The following SCMH1 variants were observed in gnomAD, a reference collection of about 807,000 sequenced individuals.
SCMH1 encodes polycomb protein SCMH1.
SCMH1 carries 37 observed loss-of-function variants against 70.8 expected under a neutral mutation model. The observed-to-expected ratio is 0.52, with a 90% CI of 0.40 to 0.69. The LOEUF (loss-of-function observed/expected upper bound fraction) is 0.69, where lower values mean the gene tolerates loss of function less well. SCMH1 is among the 30% of genes least tolerant of loss of function. The pLI, the probability that SCMH1 is intolerant of heterozygous loss-of-function variation, is 0.00. For missense variants in SCMH1, 607 were observed against 827.3 expected (o/e 0.73, Z 3.27); for synonymous variants, 292 against 307.4 (o/e 0.95, Z 0.52).
intron 2 of SCMH1, among the ~76,000 whole-genome samples, chr1:41,184,449 T>A (rs1028518237): frequency 2.0e-5 from 3 of 152,212 alleles, no homozygotes; most frequent in Non-Finnish European, 4.4e-5. Context: ...ATCCTGCTTA[T>A]GTTTAGATTC....
chr1:41,090,112 T>C (rs1013528169), intron 8 of SCMH1, among the ~76,000 whole-genome samples: 1 of 151,998 alleles, frequency 6.6e-6, no homozygotes, highest in Admixed American at 6.6e-5. Flanking sequence ...TTTTTGCTAG[T>C]GATTCTCAAA....
At chr1:41,200,511 AATAAT>A (rs1654097329) in intron 1 of SCMH1, among the ~76,000 whole-genome samples, 7 of 145,356 alleles carry the variant, frequency 4.8e-5, no homozygotes, top group Admixed American at 6.9e-5. Context: ...TAATAATAAT[AATAAT>A]ATAATAATAA....
intron 12 of SCMH1, among the ~76,000 whole-genome samples, chr1:41,040,882 A>C (rs1646053662): frequency 6.8e-6 from 1 of 147,392 alleles, no homozygotes; most frequent in East Asian, 2.0e-4. Flanking sequence ...AAAACAGAAA[A>C]CAAAAAACAA....
chr1:41,236,057 T>A (rs1662313916), intron 1 of SCMH1, among the ~76,000 whole-genome samples: 1 of 152,202 alleles, frequency 6.6e-6, no homozygotes, highest in Non-Finnish European at 1.5e-5. Context: ...TTTTTGAACA[T>A]CCCTTTATGC....
At chr1:41,145,507 C>G (rs972685829) in intron 5 of SCMH1, among the ~76,000 whole-genome samples, 2 of 152,162 alleles carry the variant, frequency 1.3e-5, no homozygotes, top group African/African-American at 2.4e-5. Context: ...AATCCTTCAG[C>G]TTTGTTCTCT....
chr1:41,120,320 G>A (rs1473822006), intron 6 of SCMH1, among the ~76,000 whole-genome samples: 7 of 152,094 alleles, frequency 4.6e-5, no homozygotes, highest in African/African-American at 1.7e-4. Flanking sequence ...TGCTTACCAT[G>A]TATTAAACAT....
intron 1 of SCMH1, among the ~76,000 whole-genome samples, chr1:41,237,309 G>C (rs1276960634): frequency 1.3e-5 from 2 of 152,132 alleles, no homozygotes; most frequent in Non-Finnish European, 1.5e-5. Context: ...AATCAAATAA[G>C]ATTACTGCAA....
At chr1:41,054,065 C>T (rs949051097) in intron 10 of SCMH1, among the ~76,000 whole-genome samples, 10 of 152,010 alleles carry the variant, frequency 6.6e-5, no homozygotes, top group African/African-American at 1.2e-4. Flanking sequence ...AGGATGGTCT[C>T]GATCTCCTGA....
chr1:41,156,100 C>T (rs549885478), intron 4 of SCMH1, among the ~76,000 whole-genome samples: 4 of 151,058 alleles, frequency 2.6e-5, no homozygotes, highest in African/African-American at 9.7e-5. Context: ...CTCAACAGTA[C>T]AAATGGACAG....
chr1:41,098,923 C>A, intron 8 of SCMH1: 1 of 253,550 alleles, frequency 3.9e-6, no homozygotes, highest in Non-Finnish European at 7.7e-6. Flanking sequence ...CCCTCCTGAC[C>A]ACTGGGTCAG....
At chr1:41,029,225 CT>C (rs201021085) in intron 13 of SCMH1, among the ~76,000 whole-genome samples, 2,966 of 152,234 alleles carry the variant, frequency 0.019, 82 homozygotes, top group African/African-American at 0.068. Flanking sequence ...TTTTTGGTTT[CT>C]TTGAGATGGA....
chr1:41,048,635 G>T, intron 11 of SCMH1, 55 bp downstream of exon 11: 1 of 1,510,176 alleles, frequency 6.6e-7, no homozygotes, highest in Non-Finnish European at 9.1e-7. Flanking sequence ...AAATCAACCA[G>T]TTGAGAAGGT....
intron 10 of SCMH1, among the ~76,000 whole-genome samples, chr1:41,061,626 T>C (rs1571652060): frequency 6.6e-6 from 1 of 152,180 alleles, no homozygotes; most frequent in African/African-American, 2.4e-5. Context: ...TCCACTATTA[T>C]AGTTGGAGAC....
At chr1:41,060,218 T>C (rs6669737) in intron 10 of SCMH1, among the ~76,000 whole-genome samples, 115,073 of 146,358 alleles carry the variant, frequency 0.79, 43,981 homozygotes, top group East Asian at 0.89. Flanking sequence ...CCAAAAACCC[T>C]GACATCTACA....
At chr1:41,228,109 A>G (rs967826927) in intron 1 of SCMH1, among the ~76,000 whole-genome samples, 2 of 152,220 alleles carry the variant, frequency 1.3e-5, no homozygotes, top group Non-Finnish European at 2.9e-5. Context: ...CAAGGACTGG[A>G]GGGAAGTTTT....
intron 10 of SCMH1, among the ~76,000 whole-genome samples, chr1:41,056,246 A>G (rs1459740379): frequency 6.6e-6 from 1 of 152,274 alleles, no homozygotes; most frequent in Non-Finnish European, 1.5e-5. Flanking sequence ...GCGAGAACCA[A>G]CAGGCAACAT....
At chr1:41,176,347 T>C (rs1178055612) in intron 2 of SCMH1, among the ~76,000 whole-genome samples, 2 of 152,204 alleles carry the variant, frequency 1.3e-5, no homozygotes, top group Non-Finnish European at 1.5e-5. Flanking sequence ...CGGTGATTTC[T>C]GCATTTCCAA....
intron 1 of SCMH1, among the ~76,000 whole-genome samples, chr1:41,211,776 T>A (rs1314740327): frequency 6.6e-6 from 1 of 152,158 alleles, no homozygotes; most frequent in African/African-American, 2.4e-5. Flanking sequence ...CAAATGTCCA[T>A]TAATGACAGA....
In SCMH1 at chr1:41,129,784, T is replaced by A. The variant is rs149960416; in HGVS notation, c.413-12774A>T. On this transcript the variant is annotated intron_variant, in intron 6 of 14. Coordinates refer to ENST00000337495, the Ensembl canonical transcript of SCMH1. ...ATGGAACTGCTGAATCACAGAATTC[T>A]ACTTTTACTTTTTAAGAAAATAGTT... Among the ~76,000 whole-genome samples the A allele has an allele frequency of 5.0e-3, 755 of 152,308 alleles. 9 individuals carry two copies. The highest frequency in any genetic ancestry group is 0.017 in the African/African-American group (704 of 41,552).
Sources: gnomAD v4.1 joint callset for allele counts (sites outside exome capture counted in the v4.1 genomes callset) on GRCh38, gnomAD v4.1.1 for gene constraint, MANE v1.5 for transcripts, NCBI Gene and HGNC (gene_info 2026-07-23, HGNC 2026-07-21) for gene names.